Variants in GPC6 observed in about 807,000 individuals in gnomAD.
GPC6 encodes glypican 6.
Under a neutral mutation model 55.2 loss-of-function variants are expected in GPC6, and 14 were observed. The observed-to-expected ratio is 0.25, with a 90% confidence interval of 0.17 to 0.40. The LOEUF (loss-of-function observed/expected upper bound fraction) is 0.40. GPC6 is among the 10% of genes least tolerant of loss of function. The probability of loss-of-function intolerance (pLI) is 1.00; values close to 1 mark genes in which losing one functional copy is unlikely to be tolerated. For synonymous variants in GPC6, 278 were observed against 259.6 expected, an observed-to-expected ratio of 1.07 and a Z score of -0.68; for missense variants, 641 against 708.5, an observed-to-expected ratio of 0.90 and a Z score of 1.08.
intron 4 of GPC6, among the ~76,000 whole-genome samples, chr13:94,058,317 C>T (rs1337745778): frequency 1.3e-5 from 2 of 152,162 alleles, no homozygotes; most frequent in Non-Finnish European, 2.9e-5. Flanking sequence ...ATGGAGAGAC[C>T]TAGCCCAGTG....
chr13:93,418,318 A>G (rs1178111714), intron 1 of GPC6, among the ~76,000 whole-genome samples: 3 of 151,558 alleles, frequency 2.0e-5, no homozygotes, highest in Non-Finnish European at 4.4e-5. Context: ...TTTAAAATAT[A>G]CAATTAATTA....
intron 1 of GPC6, among the ~76,000 whole-genome samples, chr13:93,247,036 A>C (rs1329666390): frequency 6.6e-6 from 1 of 151,538 alleles, no homozygotes; most frequent in East Asian, 1.9e-4. Flanking sequence ...TATTTAACAA[A>C]AATTTTAAGT....
chr13:94,079,959 G>C (rs1336231677), intron 4 of GPC6, among the ~76,000 whole-genome samples: 1 of 152,194 alleles, frequency 6.6e-6, no homozygotes, highest in African/African-American at 2.4e-5. Context: ...ACTGTTGAGA[G>C]AGCACAATGT....
At chr13:93,245,182 C>A (rs918855921) in intron 1 of GPC6, among the ~76,000 whole-genome samples, 5 of 152,156 alleles carry the variant, frequency 3.3e-5, no homozygotes, top group Non-Finnish European at 7.3e-5. Flanking sequence ...TTTCAAGCTA[C>A]CAACAGTTTA....
At chr13:94,200,775 T>C (rs1221002349) in intron 4 of GPC6, among the ~76,000 whole-genome samples, 2 of 152,228 alleles carry the variant, frequency 1.3e-5, no homozygotes, top group East Asian at 1.9e-4. Context: ...TTGCTTGGAA[T>C]TGAAGACTAA....
chr13:93,978,174 G>A (rs1163789699), intron 3 of GPC6, among the ~76,000 whole-genome samples: 1 of 152,190 alleles, frequency 6.6e-6, no homozygotes, highest in Non-Finnish European at 1.5e-5. Flanking sequence ...AGGAATGCAG[G>A]CAGCTTCTAG....
chr13:94,173,893 G>A (rs1243854146), intron 4 of GPC6, among the ~76,000 whole-genome samples: 3 of 152,134 alleles, frequency 2.0e-5, no homozygotes, highest in Non-Finnish European at 4.4e-5. Flanking sequence ...AATGTTAAGA[G>A]GATCTGTGGT....
At chr13:93,574,723 A>G (rs1460954049) in intron 2 of GPC6, among the ~76,000 whole-genome samples, 1 of 152,166 alleles carries the variant, frequency 6.6e-6, no homozygotes, top group Non-Finnish European at 1.5e-5. Flanking sequence ...TTTGCTGTCA[A>G]TGCCCATTAT....
chr13:93,396,020 T>G (rs1875842596), intron 1 of GPC6, among the ~76,000 whole-genome samples: 1 of 152,168 alleles, frequency 6.6e-6, no homozygotes, highest in South Asian at 2.1e-4. Context: ...GAAAAGTAGC[T>G]TAGCCTTTAC....
intron 1 of GPC6, among the ~76,000 whole-genome samples, chr13:93,275,558 T>C (rs943755596): frequency 1.3e-5 from 2 of 152,158 alleles, no homozygotes; most frequent in African/African-American, 4.8e-5. Context: ...AATTTCCTTG[T>C]AGTTTCAGAG....
intron 1 of GPC6, among the ~76,000 whole-genome samples, chr13:93,544,573 C>T (rs1006458322): frequency 6.6e-6 from 1 of 152,180 alleles, no homozygotes; most frequent in African/African-American, 2.4e-5. Flanking sequence ...CTTCTACTTG[C>T]AAATAGCACT....
At chr13:93,680,159 C>T (rs902737194) in intron 2 of GPC6, among the ~76,000 whole-genome samples, 3 of 152,058 alleles carry the variant, frequency 2.0e-5, no homozygotes, top group Non-Finnish European at 2.9e-5. Context: ...AAAATGAGGT[C>T]GCCACTGTGA....
At chr13:93,832,151 C>T (rs1238250465) in intron 3 of GPC6, among the ~76,000 whole-genome samples, 2 of 75,606 alleles carry the variant, frequency 2.6e-5, no homozygotes, top group African/African-American at 5.7e-5. Context: ...ATATAATGTC[C>T]TTACATTGAA....
chr13:93,678,745 T>C (rs2138762144), intron 2 of GPC6, among the ~76,000 whole-genome samples: 1 of 152,276 alleles, frequency 6.6e-6, no homozygotes, highest in East Asian at 1.9e-4. Context: ...CTCTGAATTA[T>C]CACATGACTC....
chr13:93,545,961 A>G (rs1263760797), intron 2 of GPC6, among the ~76,000 whole-genome samples: 3 of 152,212 alleles, frequency 2.0e-5, no homozygotes, highest in South Asian at 2.1e-4. Context: ...TAAGCAGTCA[A>G]TGTTATTTCT....
chr13:94,378,112 G>A (rs1307975328), intron 6 of GPC6, among the ~76,000 whole-genome samples: 3 of 151,998 alleles, frequency 2.0e-5, no homozygotes, highest in Admixed American at 6.6e-5. Context: ...CGAGTTAGTG[G>A]GTGCAGTGCA....
chr13:93,501,150 T>G (rs1880506668), intron 1 of GPC6, among the ~76,000 whole-genome samples: 1 of 152,140 alleles, frequency 6.6e-6, no homozygotes, highest in Non-Finnish European at 1.5e-5. Context: ...ATACATTGTT[T>G]AATTAAGGAG....
intron 3 of GPC6, among the ~76,000 whole-genome samples, chr13:93,883,529 T>C (rs1187431516): frequency 1.3e-5 from 2 of 152,192 alleles, no homozygotes; most frequent in Non-Finnish European, 2.9e-5. Flanking sequence ...CACTGTAGTT[T>C]TAATTTGCAT....
At chr13:93,532,021 G>A (rs1287828568) in intron 1 of GPC6, among the ~76,000 whole-genome samples, 6 of 152,168 alleles carry the variant, frequency 3.9e-5, no homozygotes, top group Admixed American at 3.9e-4. Context: ...AGTAGTTTCT[G>A]CACTTTTCTA....
Sources: allele counts gnomAD v4.1 joint callset (sites outside exome capture counted in the v4.1 genomes callset), GRCh38; gene constraint gnomAD v4.1.1; transcripts MANE v1.5; gene names NCBI Gene and HGNC (gene_info 2026-07-23, HGNC 2026-07-21).